Variants in GNAQ observed in about 807,000 individuals in gnomAD.
GNAQ encodes the protein guanine nucleotide-binding protein G(q) subunit alpha.
Under a neutral mutation model 43.9 loss-of-function variants are expected in GNAQ, and 8 were observed. The ratio of observed to expected loss-of-function variants is 0.18; its 90% CI spans 0.11 to 0.33. The LOEUF (loss-of-function observed/expected upper bound fraction) is 0.33. Ranked by LOEUF, GNAQ falls within the 10% of genes least tolerant of loss-of-function variation. The pLI, the probability that GNAQ is intolerant of heterozygous loss-of-function variation, is 1.00. For synonymous variants in GNAQ, 155 were observed against 170.7 expected, an observed-to-expected ratio of 0.91 and a Z score of 0.71; for missense variants, 158 against 450.8, an observed-to-expected ratio of 0.35 and a Z score of 5.88.
chr9:77,896,680 C>G (rs1480351430), intron 2 of GNAQ, among the ~76,000 whole-genome samples: 4 of 152,178 alleles, frequency 2.6e-5, no homozygotes, highest in Non-Finnish European at 4.4e-5. Context: ...AAAGGACATG[C>G]ACTAACAACA....
chr9:77,838,882 GAGA>G (rs1438837327), intron 2 of GNAQ, among the ~76,000 whole-genome samples: 2 of 151,952 alleles, frequency 1.3e-5, no homozygotes, highest in African/African-American at 4.8e-5. Context: ...CAATTCTGAA[GAGA>G]AGATGATTTC....
chr9:77,896,075 A>G (rs2118131706), intron 2 of GNAQ, among the ~76,000 whole-genome samples: 1 of 152,304 alleles, frequency 6.6e-6, no homozygotes, highest in South Asian at 2.1e-4. Context: ...ATTTAGTTAC[A>G]AAGTGGTAGA....
intron 5 of GNAQ, among the ~76,000 whole-genome samples, chr9:77,793,210 G>A (rs1826604735): frequency 6.6e-6 from 1 of 152,094 alleles, no homozygotes; most frequent in South Asian, 2.1e-4. Context: ...GTAACTTACT[G>A]TCATATATTG....
At chr9:77,943,544 T>A (rs1239380390) in intron 1 of GNAQ, among the ~76,000 whole-genome samples, 1 of 151,964 alleles carries the variant, frequency 6.6e-6, no homozygotes, top group Non-Finnish European at 1.5e-5. Context: ...CTTTCTATAA[T>A]GATATAAATC....
At chr9:77,804,722 G>A (rs1352861723) in intron 3 of GNAQ, among the ~76,000 whole-genome samples, 2 of 152,148 alleles carry the variant, frequency 1.3e-5, no homozygotes, top group African/African-American at 2.4e-5. Flanking sequence ...GGAGCTCTTT[G>A]ACCCCTATGT....
intron 2 of GNAQ, among the ~76,000 whole-genome samples, chr9:77,820,726 T>C (rs917097917): frequency 1.3e-5 from 2 of 152,182 alleles, no homozygotes; most frequent in African/African-American, 4.8e-5. Flanking sequence ...GGAACCACAG[T>C]AGCAAAGAGG....
intron 1 of GNAQ, among the ~76,000 whole-genome samples, chr9:77,996,692 AAAAAG>A (rs1268389744): frequency 7.5e-4 from 113 of 151,406 alleles, no homozygotes; most frequent in African/African-American, 2.6e-3. Context: ...AAAAAAAAAA[AAAAAG>A]AAAAAAGAAA....
At chr9:77,979,081 G>T (rs572528138) in intron 1 of GNAQ, among the ~76,000 whole-genome samples, 52 of 151,828 alleles carry the variant, frequency 3.4e-4, no homozygotes, top group Admixed American at 8.5e-4. Context: ...AATTCGGCTG[G>T]GTGGTGGCTC....
chr9:77,784,696 G>A (rs1314190064), intron 5 of GNAQ, among the ~76,000 whole-genome samples: 1 of 152,170 alleles, frequency 6.6e-6, no homozygotes, highest in African/African-American at 2.4e-5. Context: ...TGAAGCAGCA[G>A]AAGTTATTTG....
intron 2 of GNAQ, among the ~76,000 whole-genome samples, chr9:77,876,130 T>A (rs932647985): frequency 7.9e-5 from 12 of 152,216 alleles, no homozygotes; most frequent in Admixed American, 2.6e-4. Flanking sequence ...CTGATTTTTT[T>A]AAAAAATAGC....
chr9:77,984,942 G>A (rs1823414998), intron 1 of GNAQ, among the ~76,000 whole-genome samples: 1 of 152,170 alleles, frequency 6.6e-6, no homozygotes, highest in Admixed American at 6.5e-5. Flanking sequence ...TACCATTTGA[G>A]GATCCTGATA....
At chr9:78,018,455 T>C (rs17064034) in intron 1 of GNAQ, among the ~76,000 whole-genome samples, 11,123 of 152,190 alleles carry the variant, frequency 0.073, 467 homozygotes, top group African/African-American at 0.11. Flanking sequence ...TGCAAAAAAC[T>C]TGCATTATTT....
intron 2 of GNAQ, among the ~76,000 whole-genome samples, chr9:77,864,877 T>C (rs1283166882): frequency 1.3e-5 from 2 of 152,194 alleles, no homozygotes; most frequent in Non-Finnish European, 2.9e-5. Flanking sequence ...GAAATCTCCT[T>C]GGTGGTTTCC....
At chr9:77,820,835 TCA>T (rs1271122104) in intron 2 of GNAQ, among the ~76,000 whole-genome samples, 1 of 152,154 alleles carries the variant, frequency 6.6e-6, no homozygotes, top group African/African-American at 2.4e-5. Flanking sequence ...TTCCTGAACC[TCA>T]GTTTCTTCAT....
chr9:77,842,425 A>G (rs1827507475), intron 2 of GNAQ, among the ~76,000 whole-genome samples: 1 of 152,248 alleles, frequency 6.6e-6, no homozygotes, highest in Admixed American at 6.5e-5. Context: ...ATTGGTTTTC[A>G]TCAAAACCAG....
intron 2 of GNAQ, among the ~76,000 whole-genome samples, chr9:77,891,358 A>G (rs995761117): frequency 1.3e-5 from 2 of 152,080 alleles, no homozygotes; most frequent in African/African-American, 4.8e-5. Context: ...TTGTTGAATT[A>G]TTTCCTTTAC....
intron 1 of GNAQ, among the ~76,000 whole-genome samples, chr9:78,028,149 T>G (rs1824005081): frequency 6.6e-6 from 1 of 152,206 alleles, no homozygotes; most frequent in Non-Finnish European, 1.5e-5. Context: ...TATGCTCTTG[T>G]ATATCTACAT....
chr9:77,728,507 G>GACTT lies in GNAQ; in HGVS notation c.889+3_889+6dup. 6.3e-7 allele frequency: 1 copy of GACTT among 1,593,450 alleles called. No homozygotes were observed. The highest frequency in any genetic ancestry group is 2.2e-5 in the East Asian group (1 of 44,772). ...GCTACTGAGCTGTGGTATGAGTGCT[G>GACTT]ACTTACCATCATATTCTGGGAAGTA... On this transcript the variant is annotated splice_region_variant and intron_variant, in intron 6 of 6. Coordinates refer to ENST00000286548, the MANE Select transcript of GNAQ (RefSeq NM_002072.5).
chr9:78,022,283 C>A (rs1299876605), intron 1 of GNAQ, among the ~76,000 whole-genome samples: 1 of 152,118 alleles, frequency 6.6e-6, no homozygotes, highest in African/African-American at 2.4e-5. Context: ...GCCAAAGCTG[C>A]AAAGGGGAAG....
Sources: gnomAD v4.1 joint callset for allele counts (sites outside exome capture counted in the v4.1 genomes callset) on GRCh38, gnomAD v4.1.1 for gene constraint, MANE v1.5 for transcripts, NCBI Gene and HGNC (gene_info 2026-07-23, HGNC 2026-07-21) for gene names.